The following PTPN14 variants were observed in gnomAD, a reference collection of about 807,000 sequenced individuals.
The protein encoded by PTPN14 is protein tyrosine phosphatase non-receptor type 14.
Under a neutral mutation model 126.8 loss-of-function variants are expected in PTPN14, and 53 were observed. That is an observed-to-expected ratio of 0.42 (90% CI 0.34 to 0.53). PTPN14 has a LOEUF of 0.53. PTPN14 is among the 20% of genes least tolerant of loss of function. The pLI is 0.08. For synonymous variants in PTPN14, 630 were observed against 599.3 expected (o/e 1.05, Z -0.75); for missense variants, 1,257 against 1,552.9 (o/e 0.81, Z 3.20).
intron 1 of PTPN14, among the ~76,000 whole-genome samples, chr1:214,549,610 G>A (rs999224868): frequency 3.3e-5 from 5 of 152,164 alleles, no homozygotes; most frequent in South Asian, 4.1e-4. Flanking sequence ...TACAAGGTCC[G>A]TAATGCTGCG....
intron 1 of PTPN14, among the ~76,000 whole-genome samples, chr1:214,512,267 C>A (rs552680147): frequency 4.6e-5 from 7 of 152,160 alleles, no homozygotes; most frequent in Admixed American, 6.5e-5. Context: ...CCCTGTCCTA[C>A]CTCACCTTTC....
intron 12 of PTPN14, among the ~76,000 whole-genome samples, chr1:214,386,384 CAAGA>C (rs1490891867): frequency 6.6e-6 from 1 of 152,074 alleles, no homozygotes; most frequent in Non-Finnish European, 1.5e-5. Flanking sequence ...GCAAGTGTAC[CAAGA>C]AAGGGGCTGG....
At chr1:214,359,749 G>T (rs1379123072) in intron 18 of PTPN14, among the ~76,000 whole-genome samples, 1 of 152,100 alleles carries the variant, frequency 6.6e-6, no homozygotes, top group Non-Finnish European at 1.5e-5. Context: ...TCAAACTCCT[G>T]AGCTCAAGTA....
chr1:214,462,879 T>TA (rs1660543460), intron 2 of PTPN14, among the ~76,000 whole-genome samples: 2 of 152,220 alleles, frequency 1.3e-5, no homozygotes, highest in East Asian at 3.8e-4. Flanking sequence ...AGTTGTTTAT[T>TA]AAGACTCTCA....
chr1:214,379,044 G>GA (rs1173344335), intron 13 of PTPN14, among the ~76,000 whole-genome samples: 1 of 152,178 alleles, frequency 6.6e-6, no homozygotes, highest in East Asian at 1.9e-4. Context: ...AACCGAGTAT[G>GA]AAAAAGCTCT....
chr1:214,361,840 G>A (rs534929715), intron 18 of PTPN14, among the ~76,000 whole-genome samples: 59 of 152,294 alleles, frequency 3.9e-4, no homozygotes, highest in African/African-American at 1.4e-3. Context: ...AGCAGCCTGG[G>A]ACAGCTGTCC....
At chr1:214,479,968 A>C (rs1335974454) in intron 1 of PTPN14, among the ~76,000 whole-genome samples, 1 of 152,158 alleles carries the variant, frequency 6.6e-6, no homozygotes, top group Non-Finnish European at 1.5e-5. Flanking sequence ...TTCATTATTT[A>C]TGATTACTAT....
chr1:214,402,671 A>AGGG (rs1361377449), intron 6 of PTPN14, among the ~76,000 whole-genome samples: 1 of 25,524 alleles, frequency 3.9e-5, no homozygotes, highest in Non-Finnish European at 8.4e-5. Flanking sequence ...GGAAGGAAGG[A>AGGG]AGGAAGGGAG....
At position 214,355,067 on chromosome 1, in the gene PTPN14, G is replaced by T. The variant is rs551150786; in HGVS notation, c.*2855C>A. ...GAAAAGGAATGCAAAATGTGCTAAA[G>T]AACCAAAGGCATTTGTTTTTAAAAG... is the stretch of plus-strand genomic sequence containing the variant. On this transcript the variant is annotated 3_prime_UTR_variant, in exon 19 of 19. Coordinates refer to ENST00000366956, the MANE Select transcript of PTPN14 (RefSeq NM_005401.5). 6.6e-6 allele frequency: 1 copy of T among 152,306 alleles called. No homozygotes were observed. Among genetic ancestry groups the T allele is most frequent in the Admixed American group, 6.5e-5 (1 of 15,304 alleles). 9.4% of individuals were successfully genotyped at this position (152,306 alleles called of 1,614,324 possible).
chr1:214,436,786 C>CAAAAAAAAAAAAAAAAAAAAA (rs1159209240), intron 3 of PTPN14, among the ~76,000 whole-genome samples: 1 of 46,640 alleles, frequency 2.1e-5, no homozygotes, highest in African/African-American at 7.7e-5. Flanking sequence ...GACTCCGTCT[C>CAAAAAAAAAAAAAAAAAAAAA]AAAAAAAAAA....
intron 17 of PTPN14, among the ~76,000 whole-genome samples, chr1:214,367,335 C>G (rs1658105027): frequency 6.6e-6 from 1 of 152,196 alleles, no homozygotes; most frequent in African/African-American, 2.4e-5. Context: ...GATTCTCTGA[C>G]TCCAATCATC....
chr1:214,432,607 T>G, intron 3 of PTPN14, among the ~76,000 whole-genome samples: 1 of 152,314 alleles, frequency 6.6e-6, no homozygotes, highest in South Asian at 2.1e-4. Context: ...ATGTCTTCCT[T>G]TGATAGAATA....
intron 9 of PTPN14, 39 bp downstream of exon 9, chr1:214,394,860 T>C (rs757229663): frequency 1.3e-6 from 2 of 1,542,972 alleles, no homozygotes; most frequent in Admixed American, 3.3e-5. Flanking sequence ...CAAAAGCCAG[T>C]GTCTTGTCAG....
At chr1:214,476,173 C>G (rs1415490792) in intron 1 of PTPN14, among the ~76,000 whole-genome samples, 4 of 152,180 alleles carry the variant, frequency 2.6e-5, no homozygotes, top group African/African-American at 9.7e-5. Flanking sequence ...GAGCCTCTTA[C>G]CTAGATGGCC....
At chr1:214,402,791 C>T (rs2102566720) in intron 6 of PTPN14, 92 bp downstream of exon 6, 4 of 1,413,894 alleles carry the variant, frequency 2.8e-6, no homozygotes, top group East Asian at 2.3e-5. Flanking sequence ...TGGCTCAAGC[C>T]CAGAGTTGCT....
At chr1:214,371,819 T>C (rs12086431) in intron 16 of PTPN14, among the ~76,000 whole-genome samples, 31,700 of 152,138 alleles carry the variant, frequency 0.21, 4,185 homozygotes, top group African/African-American at 0.38. Context: ...TTTCTTCTAA[T>C]GGACTGTGCT....
Position 214,466,325 on chromosome 1 carries a change from CA to C in PTPN14, c.-154-1369del, listed in dbSNP as rs568679768. ...TGAATTATTCAAAGCACTTAAAAAT[CA>C]CAACTCTTTGTCCTTTTTTTAACAA... On this transcript the variant is annotated intron_variant, in intron 1 of 18. Transcript: ENST00000366956. Among the ~76,000 whole-genome samples, 1,204 of 151,618 alleles carry C rather than the reference CA, an allele frequency of 7.9e-3. 8 individuals are homozygous for C. Among genetic ancestry groups the C allele is most frequent in the Non-Finnish European group, 0.013 (915 of 67,876 alleles).
intron 3 of PTPN14, among the ~76,000 whole-genome samples, chr1:214,440,952 T>A (rs1239344269): frequency 2.0e-5 from 3 of 152,188 alleles, no homozygotes; most frequent in African/African-American, 4.8e-5. Context: ...CTCATAGTAC[T>A]AGTTAATAAT....
chr1:214,539,960 T>C (rs994896898), intron 1 of PTPN14, among the ~76,000 whole-genome samples: 2 of 152,144 alleles, frequency 1.3e-5, no homozygotes, highest in African/African-American at 2.4e-5. Context: ...AAAACAATAA[T>C]TTTCTAAAGA....
Sources: gnomAD v4.1 joint callset for allele counts (sites outside exome capture counted in the v4.1 genomes callset) on GRCh38, gnomAD v4.1.1 for gene constraint, MANE v1.5 for transcripts, NCBI Gene and HGNC (gene_info 2026-07-23, HGNC 2026-07-21) for gene names.